Variants in DDX11 observed in about 807,000 individuals in gnomAD.
DDX11 encodes the protein DEAD/H-box helicase 11.
DDX11 carries 72 observed loss-of-function variants against 125.2 expected under a neutral mutation model. That is an observed-to-expected ratio of 0.58 (90% confidence interval 0.48 to 0.70). The LOEUF is 0.70. DDX11 is among the 30% of genes least tolerant of loss of function. DDX11 has a pLI of 0.00. For synonymous variants in DDX11, 347 were observed against 452.6 expected, an observed-to-expected ratio of 0.77 and a Z score of 2.96; for missense variants, 883 against 1,165.0, an observed-to-expected ratio of 0.76 and a Z score of 3.52.
intron 1 of DDX11, among the ~76,000 whole-genome samples, chr12:31,074,984 A>G (rs2553175): frequency 4.6e-5 from 7 of 152,246 alleles, no homozygotes; most frequent in Admixed American, 3.9e-4. Context: ...GTCTGTACTC[A>G]GTAATGAGTG....
chr12:31,079,156 T>C (rs1000321215), intron 2 of DDX11, among the ~76,000 whole-genome samples: 8 of 152,248 alleles, frequency 5.3e-5, no homozygotes, highest in African/African-American at 1.9e-4. Context: ...CAGTGTGTTA[T>C]GATTATGTTT....
chr12:31,093,366 T>G (rs753915647), intron 12 of DDX11, 42 bp downstream of exon 12: 25 of 1,612,620 alleles, frequency 1.6e-5, no homozygotes, highest in Non-Finnish European at 2.0e-5. Context: ...CCTGCAAAAC[T>G]CGCTGGGCTG....
chr12:31,101,890 G>A lies in DDX11; in HGVS notation c.2110G>A (p.Val704Ile), dbSNP rs777044583. Residue 704 changes from valine to isoleucine, a missense_variant, in exon 21 of 27, where the codon GTC becomes ATC. This residue lies in a region of DDX11 where 285 missense variants were observed against 346.0 expected (regional missense o/e 0.82). Transcript: ENST00000542838. ...GTGCGGTGTGGTTCCTGGAGGGGTG[G>A]TCTGTTTCTTCCCCTCCTACGAGTA... The part of the protein sequence containing the change: ...NLCGVVPGGV[V>I]CFFPSYEYLR... The A allele has an allele frequency of 8.1e-6, 13 of 1,613,802 alleles. No homozygotes were observed. The South Asian group carries it at 1.4e-4, about 18-fold the overall frequency.
rs896672857 is a variant in DDX11, at chr12:31,104,062, TTCCAGGGCAGC to T, written c.*230_*240del. On this transcript the variant is annotated 3_prime_UTR_variant, in exon 27 of 27. Transcript: ENST00000542838. ...GTGGGTCCTGGCTGTCCTTGGGGCGTTCCAGGGCAGCTCCCCTCCTGGAATAGAATCTTTCT... is the reference window on the plus strand; with the variant it reads ...GTGGGTCCTGGCTGTCCTTGGGGCGTTCCCCTCCTGGAATAGAATCTTTCT... 2.6e-6 allele frequency: 4 copies of T among 1,540,410 alleles called. No homozygotes were observed. In the African/African-American group the frequency reaches 5.5e-5, roughly 21 times the overall value.
rs1401784546 is a variant in DDX11, at chr12:31,087,949, A to T, written c.650A>T (p.Asp217Val). Reference sequence around the variant, plus strand: ...TCTCACACACACAGAGTGGATGAGGATGAGGATGACCTGGAGGAAGAACAC... The same window carrying T: ...TCTCACACACACAGAGTGGATGAGGTTGAGGATGACCTGGAGGAAGAACAC... ...EKKVASRVDEDEDDLEEEHIT... is the reference protein window; with the variant it reads ...EKKVASRVDEVEDDLEEEHIT... The change falls in exon 6 of 27, where the codon GAT (aspartate) becomes GTT (valine). Residue 217 changes from aspartate (D) to valine (V), a missense_variant. By Grantham distance (152) the Asp-to-Val change is radical. This residue lies in a region of DDX11 where 283 missense variants were observed against 359.6 expected (regional missense o/e 0.79). Coordinates refer to ENST00000542838, the MANE Select transcript of DDX11 (RefSeq NM_030653.4). 6.2e-7 allele frequency: 1 copy of T among 1,609,012 alleles called. No individual in the cohort carries two copies. The highest frequency in any genetic ancestry group is 1.3e-5 in the African/African-American group (1 of 74,944).
At chr12:31,080,918 A>T (rs1399606868) in intron 2 of DDX11, among the ~76,000 whole-genome samples, 3 of 152,086 alleles carry the variant, frequency 2.0e-5, no homozygotes, top group Non-Finnish European at 4.4e-5. Context: ...CTAATTTTTT[A>T]ATTTGTAGAA....
At chr12:31,084,712 GTTGCTC>G (rs1186969594) in intron 4 of DDX11, 43 bp downstream of exon 4, 1 of 1,556,610 alleles carries the variant, frequency 6.4e-7, no homozygotes, top group Non-Finnish European at 8.8e-7. Context: ...TCCAGGCAGG[GTTGCTC>G]TGCTTGGAGG....
intron 7 of DDX11, 45 bp downstream of exon 7, chr12:31,089,196 T>G (rs1371054577): frequency 6.4e-7 from 1 of 1,554,288 alleles, no homozygotes; most frequent in African/African-American, 1.4e-5. Flanking sequence ...CCTGCTCCTT[T>G]CGCCACAACT....
chr12:31,088,215 C>T (rs1362301885), intron 6 of DDX11, among the ~76,000 whole-genome samples: 2 of 151,992 alleles, frequency 1.3e-5, no homozygotes, highest in South Asian at 2.1e-4. Flanking sequence ...CTGGGGAGTC[C>T]TCTCCTGGGG....
At chr12:31,103,501 G>A (rs1179234791) in intron 25 of DDX11, 76 bp from the exon 26 acceptor site, 1 of 1,610,374 alleles carries the variant, frequency 6.2e-7, no homozygotes, top group African/African-American at 1.3e-5. Flanking sequence ...TGAGGAAGGG[G>A]AGGGGGTCGC....
Position 31,104,161 on chromosome 12 carries a change from T to A in DDX11, c.*325T>A, listed in dbSNP as rs2970777. 2.8e-6 allele frequency: 4 copies of A among 1,442,310 alleles called. No individual in the cohort carries two copies. The highest frequency in any genetic ancestry group is 1.5e-5 in the South Asian group (1 of 67,600). 89.3% of individuals were successfully genotyped at this position (1,442,310 alleles called of 1,614,324 possible). On this transcript the variant is annotated 3_prime_UTR_variant, in exon 27 of 27. Coordinates refer to ENST00000542838, the MANE Select transcript of DDX11 (RefSeq NM_030653.4). ...GGTCTCCGCAGGAGGCTGTGGCAGC[T>A]GTGGCATCCACTGTGGCATCTCCGT...
chr12:31,090,856 G>A (rs1179002859), intron 9 of DDX11, among the ~76,000 whole-genome samples: 1 of 152,236 alleles, frequency 6.6e-6, no homozygotes, highest in Non-Finnish European at 1.5e-5. Flanking sequence ...GGCACTGGCA[G>A]AGAAACTGAG....
rs757733914 is a variant in DDX11, at chr12:31,097,963, G to A, written c.1841G>A (p.Arg614Gln). 9.3e-6 allele frequency: 15 copies of A among 1,613,666 alleles called. No individual in the cohort carries two copies. The highest frequency in any genetic ancestry group is 1.6e-4 in the Middle Eastern group (1 of 6,082). ...TTTGCCCAAGTGGTGAAGGAATGCCGGGCAGTGGTCATTGCGGGGGGTACC... is the reference window on the plus strand; with the variant it reads ...TTTGCCCAAGTGGTGAAGGAATGCCAGGCAGTGGTCATTGCGGGGGGTACC... ...VHFAQVVKEC[R>Q]AVVIAGGTMQ... Residue 614 changes from arginine (R) to glutamine (Q), a missense_variant, in exon 18 of 27, where the codon CGG becomes CAG. By Grantham distance (43) the Arg-to-Gln change is conservative. Transcript: ENST00000542838.
intron 19 of DDX11, 58 bp from the exon 20 acceptor site, chr12:31,100,969 C>T (rs1279626261): frequency 2.1e-6 from 3 of 1,460,930 alleles, no homozygotes; most frequent in Admixed American, 1.7e-5. Context: ...GCCCTCTCTG[C>T]AGTGTCTTGC....
chr12:31,099,079 TCTTTC>T (rs995272158), intron 18 of DDX11, among the ~76,000 whole-genome samples: 16 of 110,806 alleles, frequency 1.4e-4, no homozygotes, highest in Admixed American at 5.9e-4. Flanking sequence ...TTTCTTTCTT[TCTTTC>T]TTTTTTTTTT....
rs1288441381 is a variant in DDX11 at position 31,083,860 on chromosome 12, C to T, written c.192C>T (p.Asp64=). 6 of 1,612,612 alleles carry T rather than the reference C, an allele frequency of 3.7e-6. No individual in the cohort carries two copies. The Admixed American group carries it at 1.0e-4, about 27-fold the overall frequency. The change falls in exon 3 of 27, where the codon GAC becomes GAT. Residue 64 remains aspartate, a synonymous_variant. Transcript: ENST00000542838. The stretch of plus-strand genomic sequence containing the variant: ...GTGGGGCCCTCTCTTGGCTCCGTGA[C>T]TTTGAACAGAAGAAGCGTGAAGAAG... ...LICGALSWLR[D]FEQKKREEEA...
chr12:31,079,092 C>T (rs1267118141), intron 2 of DDX11, among the ~76,000 whole-genome samples: 2 of 152,178 alleles, frequency 1.3e-5, no homozygotes, highest in Non-Finnish European at 2.9e-5. Flanking sequence ...TCTTTTCCCT[C>T]CCGTTCCCCA....
chr12:31,088,804 C>T (rs1199257800), intron 6 of DDX11, among the ~76,000 whole-genome samples: 1 of 152,222 alleles, frequency 6.6e-6, no homozygotes, highest in Admixed American at 6.5e-5. Context: ...CTGGATATGA[C>T]TCGTGGAAGG....
At chr12:31,084,380 G>T (rs1255109652) in intron 3 of DDX11, among the ~76,000 whole-genome samples, 1 of 152,246 alleles carries the variant, frequency 6.6e-6, no homozygotes, top group Non-Finnish European at 1.5e-5. Context: ...TTTGGGAGGA[G>T]TGTGCCGCCT....
Sources: gnomAD v4.1 joint callset for allele counts (sites outside exome capture counted in the v4.1 genomes callset) on GRCh38, gnomAD v4.1.1 for gene constraint, gnomAD v4.1.1 regional missense constraint, MANE v1.5 for transcripts, NCBI Gene and HGNC (gene_info 2026-07-23, HGNC 2026-07-21) for gene names.